The following PARP14 variants were observed in gnomAD, a reference collection of about 807,000 sequenced individuals.
The protein encoded by PARP14 is protein mono-ADP-ribosyltransferase PARP14.
PARP14 carries 59 observed loss-of-function variants against 154.2 expected under a neutral mutation model. That is an observed-to-expected ratio of 0.38 (90% CI 0.31 to 0.48). The LOEUF (loss-of-function observed/expected upper bound fraction) is 0.48, where lower values mean the gene tolerates loss of function less well. Ranked by LOEUF, PARP14 falls within the 20% of genes least tolerant of loss-of-function variation. The pLI is 0.98. For synonymous variants in PARP14, 720 were observed against 780.5 expected (o/e 0.92, Z 1.29); for missense variants, 1,734 against 2,131.6 (o/e 0.81, Z 3.67).
chr3:122,685,160 T>C (rs932020141), intron 1 of PARP14, 25 bp from the exon 2 acceptor site: 2 of 1,606,930 alleles, frequency 1.2e-6, no homozygotes, highest in Non-Finnish European at 1.7e-6. Flanking sequence ...TCATTTGTCT[T>C]TTTTCCCCCC....
Position 122,718,183 on chromosome 3 carries a change from T to A in PARP14, c.4113T>A (p.Phe1371Leu), listed in dbSNP as rs1264664180. The A allele has an allele frequency of 6.2e-7, 1 of 1,613,616 alleles. No homozygotes were observed. Among genetic ancestry groups the A allele is most frequent in the Non-Finnish European group, 8.5e-7 (1 of 1,179,736 alleles). Residue 1371 changes from phenylalanine to leucine, a missense_variant, in exon 13 of 17, where the codon TTT becomes TTA. This residue lies in a region of PARP14 where 1,646 missense variants were observed against 1,976.0 expected (regional missense o/e 0.83). Transcript: ENST00000474629. ...TGAAAAAAGTTAAAGTTGTTATCTTTCTGCCTCAAGTACTGGATGTGTTTT... is the reference window on the plus strand; with the variant it reads ...TGAAAAAAGTTAAAGTTGTTATCTTACTGCCTCAAGTACTGGATGTGTTTT... Reference protein sequence around the residue: ...QSVKKVKVVIFLPQVLDVFYA... With the variant: ...QSVKKVKVVILLPQVLDVFYA...
rs1938204286 is a variant in PARP14 at position 122,681,483 on chromosome 3, G to A, written c.187+413G>A. ...GGGAAGGAAACTGATTAAGAAACGT[G>A]GCAAGTCACAGAGATTCCTTGTGGT... On this transcript the variant is annotated intron_variant, in intron 1 of 16. Coordinates refer to ENST00000474629, the MANE Select transcript of PARP14 (RefSeq NM_017554.3). This position sits in a 1 kb window ranked among gnomAD's most constrained non-coding sequence, Gnocchi z 5.5. Among the ~76,000 whole-genome samples, 1 of 152,196 alleles carries A rather than the reference G, an allele frequency of 6.6e-6. No homozygotes were observed. Among genetic ancestry groups the A allele is most frequent in the African/African-American group, 2.4e-5 (1 of 41,448 alleles).
chr3:122,692,688 T>C, intron 4 of PARP14, 145 bp downstream of exon 4: 1 of 669,584 alleles, frequency 1.5e-6, no homozygotes. Context: ...GTTTTTTTTA[T>C]TTTGAAAGTG....
intron 3 of PARP14, among the ~76,000 whole-genome samples, chr3:122,689,738 C>G (rs1038845626): frequency 6.6e-6 from 1 of 152,188 alleles, no homozygotes; most frequent in African/African-American, 2.4e-5. Flanking sequence ...CTCCTTAAAC[C>G]TGACCAGCCC....
At chr3:122,715,992 A>G (rs1317281835) in intron 12 of PARP14, among the ~76,000 whole-genome samples, 2 of 152,310 alleles carry the variant, frequency 1.3e-5, no homozygotes, top group African/African-American at 2.4e-5. Context: ...TGGTCAGCAC[A>G]AATAAATCAG....
chr3:122,709,386 A>G (rs1296213996), intron 9 of PARP14, among the ~76,000 whole-genome samples: 1 of 152,186 alleles, frequency 6.6e-6, no homozygotes, highest in Admixed American at 6.5e-5. Context: ...ACATTATTTC[A>G]TTCCTTTTTA....
intron 12 of PARP14, among the ~76,000 whole-genome samples, chr3:122,715,190 G>A (rs1932958588): frequency 6.6e-6 from 1 of 152,016 alleles, no homozygotes; most frequent in Non-Finnish European, 1.5e-5. Flanking sequence ...AGGAATCCCT[G>A]CTTGGTCTCC....
At position 122,681,456 on chromosome 3, in the gene PARP14, T is replaced by TG. The variant is rs1256946815; in HGVS notation, c.187+390dup. Among the ~76,000 whole-genome samples, 1 of 152,200 alleles carries TG rather than the reference T, an allele frequency of 6.6e-6. No individual in the cohort carries two copies. Among genetic ancestry groups the TG allele is most frequent in the East Asian group, 1.9e-4 (1 of 5,198 alleles). On this transcript the variant is annotated intron_variant, in intron 1 of 16. Coordinates refer to ENST00000474629, the MANE Select transcript of PARP14 (RefSeq NM_017554.3). The surrounding 1 kb of genome is among the most constrained non-coding windows in gnomAD (Gnocchi z 5.5). ...TTTTCCTGTTGTTATTATTCTTGTG[T>TG]GGGGAAGGAAACTGATTAAGAAACG...
chr3:122,695,323 C>A, intron 4 of PARP14, 103 bp from the exon 5 acceptor site: 1 of 644,744 alleles, frequency 1.6e-6, no homozygotes, highest in South Asian at 2.0e-5. Flanking sequence ...GAGTGCTTAG[C>A]TCTTCCTTTT....
intron 9 of PARP14, among the ~76,000 whole-genome samples, chr3:122,709,848 A>T (rs1443399606): frequency 6.7e-6 from 1 of 149,074 alleles, no homozygotes; most frequent in African/African-American, 2.4e-5. Flanking sequence ...TCTTTTGAGA[A>T]ATGTCTGCTC....
Position 122,681,243 on chromosome 3 carries a change from G to A in PARP14, c.187+173G>A, listed in dbSNP as rs1436342994. 2.0e-5 allele frequency among the ~76,000 whole-genome samples: 3 copies of A among 151,678 alleles called. No homozygotes were observed. The highest frequency in any genetic ancestry group is 2.9e-5 in the Non-Finnish European group (2 of 67,850). On this transcript the variant is annotated intron_variant, in intron 1 of 16. Transcript: ENST00000474629. This position sits in a 1 kb window ranked among gnomAD's most constrained non-coding sequence, Gnocchi z 5.5. ...GGCAGAATGGATTCCGAGCGCACCC[G>A]GGGCGCTGCGGTTCCCCGGCGCCCT... is the stretch of plus-strand genomic sequence containing the variant.
intron 15 of PARP14, 138 bp downstream of exon 15, chr3:122,720,526 C>A (rs772773699): frequency 1.3e-6 from 1 of 761,064 alleles, no homozygotes; most frequent in Non-Finnish European, 2.3e-6. Flanking sequence ...ATTAGTAGTT[C>A]TAGATTCTAC....
intron 2 of PARP14, among the ~76,000 whole-genome samples, chr3:122,686,480 A>G (rs1243165968): frequency 6.9e-6 from 1 of 144,174 alleles, no homozygotes; most frequent in African/African-American, 2.6e-5. Context: ...TCTTTTTTAG[A>G]GACTGCTTTC....
Position 122,720,372 on chromosome 3 carries a change from A to C in PARP14, c.4925A>C (p.His1642Pro), listed in dbSNP as rs774754870. The C allele has an allele frequency of 1.9e-6, 3 of 1,613,098 alleles. No individual in the cohort carries two copies. Among genetic ancestry groups the C allele is most frequent in the Non-Finnish European group, 2.5e-6 (3 of 1,179,526 alleles). The change falls in exon 15 of 17, where the codon CAC becomes CCC. Residue 1642 changes from histidine to proline, a missense_variant. Coordinates refer to ENST00000474629, the MANE Select transcript of PARP14 (RefSeq NM_017554.3). ...AGCAAGTTTAATCAGACCTGCTCACACTTCAGAATAGAGAAGGTAAGCCTT... is the reference window on the plus strand; with the variant it reads ...AGCAAGTTTAATCAGACCTGCTCACCCTTCAGAATAGAGAAGGTAAGCCTT... Reference protein sequence around the residue: ...VASKFNQTCSHFRIEKIERIQ... With the variant: ...VASKFNQTCSPFRIEKIERIQ...
intron 15 of PARP14, among the ~76,000 whole-genome samples, chr3:122,726,026 A>G (rs961940822): frequency 4.6e-5 from 7 of 152,196 alleles, no homozygotes; most frequent in African/African-American, 1.7e-4. Context: ...TTCCCCAGAC[A>G]ATGCAAAGAC....
chr3:122,694,920 C>T (rs1364244738), intron 4 of PARP14, among the ~76,000 whole-genome samples: 2 of 151,972 alleles, frequency 1.3e-5, no homozygotes, highest in Non-Finnish European at 2.9e-5. Context: ...AAATTGTATA[C>T]ACAAAGACCC....
Position 122,718,166 on chromosome 3 carries a change from G to A in PARP14, c.4096G>A (p.Val1366Ile). Residue 1366 changes from valine to isoleucine, a missense_variant, in exon 13 of 17, where the codon GTT (valine) becomes ATT (isoleucine). Val to Ile is a conservative substitution (Grantham distance 29). This residue lies in a region of PARP14 where 1,646 missense variants were observed against 1,976.0 expected (regional missense o/e 0.83). Coordinates refer to ENST00000474629, the MANE Select transcript of PARP14 (RefSeq NM_017554.3). Reference protein sequence around the residue: ...QKGSAQSVKKVKVVIFLPQVL... With the variant: ...QKGSAQSVKKIKVVIFLPQVL... ...AGGATCAGCCCAGTCTGTGAAAAAA[G>A]TTAAAGTTGTTATCTTTCTGCCTCA... The A allele has an allele frequency of 6.2e-7, 1 of 1,613,702 alleles. No individual in the cohort carries two copies. The highest frequency in any genetic ancestry group is 8.5e-7 in the Non-Finnish European group (1 of 1,179,738).
chr3:122,720,047 T>C (rs1933122363), intron 14 of PARP14, among the ~76,000 whole-genome samples: 1 of 151,972 alleles, frequency 6.6e-6, no homozygotes, highest in Admixed American at 6.5e-5. Flanking sequence ...AGTTGATCTG[T>C]GGCTTTCCTT....
intron 5 of PARP14, among the ~76,000 whole-genome samples, chr3:122,698,880 G>C (rs1383097326): frequency 6.6e-6 from 1 of 152,024 alleles, no homozygotes; most frequent in Non-Finnish European, 1.5e-5. Context: ...GCTTCACTTT[G>C]AGCACCAAAA....
Sources: gnomAD v4.1 joint callset for allele counts (sites outside exome capture counted in the v4.1 genomes callset) on GRCh38, gnomAD v4.1.1 for gene constraint, gnomAD v4.1.1 regional missense constraint, Gnocchi (gnomAD v3.1) non-coding constraint, MANE v1.5 for transcripts, NCBI Gene and HGNC (gene_info 2026-07-23, HGNC 2026-07-21) for gene names.